The following TOX variants were observed in gnomAD, a reference collection of about 807,000 sequenced individuals.
TOX encodes thymocyte selection associated high mobility group box.
A neutral mutation model predicts 53.7 loss-of-function variants in TOX; 11 were observed. That is an observed-to-expected ratio of 0.20 (90% CI 0.13 to 0.34). The LOEUF (loss-of-function observed/expected upper bound fraction) is 0.34. TOX is among the 10% of genes least tolerant of loss of function. The pLI is 1.00. For synonymous variants in TOX, 225 were observed against 245.3 expected, an observed-to-expected ratio of 0.92 and a Z score of 0.77; for missense variants, 570 against 664.6, an observed-to-expected ratio of 0.86 and a Z score of 1.56.
intron 1 of TOX, among the ~76,000 whole-genome samples, chr8:59,033,564 G>T (rs1814397984): frequency 6.6e-6 from 1 of 152,122 alleles, no homozygotes. Flanking sequence ...ATAATAAAAA[G>T]GTCGATGCCC....
At chr8:58,823,316 C>A (rs535426709) in intron 6 of TOX, among the ~76,000 whole-genome samples, 1 of 152,074 alleles carries the variant, frequency 6.6e-6, no homozygotes, top group Non-Finnish European at 1.5e-5. Flanking sequence ...CTCTACCTCA[C>A]GGGTTCAAGT....
intron 3 of TOX, among the ~76,000 whole-genome samples, chr8:58,872,101 C>T (rs1015795413): frequency 1.3e-5 from 2 of 151,678 alleles, no homozygotes; most frequent in African/African-American, 4.8e-5. Flanking sequence ...GTACAAAATA[C>T]AAAACCAAAC....
intron 1 of TOX, among the ~76,000 whole-genome samples, chr8:59,111,905 C>T (rs1586026700): frequency 6.6e-6 from 1 of 152,202 alleles, no homozygotes; most frequent in African/African-American, 2.4e-5. Context: ...ATTTAAATCT[C>T]CCAAGCAAAA....
chr8:59,012,803 C>T (rs939113412), intron 1 of TOX, among the ~76,000 whole-genome samples: 8 of 151,854 alleles, frequency 5.3e-5, no homozygotes, highest in Non-Finnish European at 1.0e-4. Flanking sequence ...TTCAACTTTA[C>T]CAAGAAAGAA....
At chr8:58,883,048 T>C (rs1207181371) in intron 3 of TOX, among the ~76,000 whole-genome samples, 3 of 152,210 alleles carry the variant, frequency 2.0e-5, no homozygotes, top group African/African-American at 7.2e-5. Flanking sequence ...CTTTCTACTT[T>C]TGTTTTTTTA....
chr8:59,056,051 T>G (rs567098201), intron 1 of TOX, among the ~76,000 whole-genome samples: 2 of 152,298 alleles, frequency 1.3e-5, no homozygotes, highest in South Asian at 4.1e-4. Flanking sequence ...CAAAACATTT[T>G]GCTAAACATC....
At chr8:58,923,796 C>G (rs1165916326) in intron 3 of TOX, among the ~76,000 whole-genome samples, 2 of 152,142 alleles carry the variant, frequency 1.3e-5, no homozygotes, top group African/African-American at 4.8e-5. Flanking sequence ...GGTTCCGGGT[C>G]CCTCAAGACA....
rs1812976861 is a variant in TOX at position 58,970,167 on chromosome 8, C to G, written c.103-10159G>C. On this transcript the variant is annotated intron_variant, in intron 1 of 8. Coordinates refer to ENST00000361421, the MANE Select transcript of TOX (RefSeq NM_014729.3). The stretch of plus-strand genomic sequence containing the variant: ...TCCTCACAACAACCCCACAGTCAGT[C>G]AGTTTCCACGTTGTTTTACCAGTAA... 2.0e-5 allele frequency among the ~76,000 whole-genome samples: 3 copies of G among 152,182 alleles called. No homozygotes were observed. The South Asian group carries it at 6.2e-4, about 32-fold the overall frequency.
intron 3 of TOX, among the ~76,000 whole-genome samples, chr8:58,862,731 C>T (rs1278074351): frequency 6.6e-6 from 1 of 152,030 alleles, no homozygotes; most frequent in Non-Finnish European, 1.5e-5. Context: ...ATGTATCAAG[C>T]CATAGTCTTT....
chr8:59,057,778 A>T (rs10504282), intron 1 of TOX, among the ~76,000 whole-genome samples: 24,702 of 152,102 alleles, frequency 0.16, 2,326 homozygotes, highest in Non-Finnish European at 0.22. Context: ...GTATTCCTTT[A>T]ATAATCAGCT....
At chr8:59,048,719 A>T (rs908260560) in intron 1 of TOX, among the ~76,000 whole-genome samples, 1 of 152,150 alleles carries the variant, frequency 6.6e-6, no homozygotes, top group African/African-American at 2.4e-5. Flanking sequence ...AGATTTGTAT[A>T]TTTATGAGTT....
intron 2 of TOX, among the ~76,000 whole-genome samples, chr8:58,958,838 TC>T (rs1035084025): frequency 7.3e-4 from 111 of 152,312 alleles, no homozygotes; most frequent in African/African-American, 2.7e-3. Flanking sequence ...AATGCAAAGT[TC>T]AGGGAGATGC....
intron 3 of TOX, among the ~76,000 whole-genome samples, chr8:58,855,408 T>G (rs954480981): frequency 1.3e-5 from 2 of 152,206 alleles, no homozygotes; most frequent in African/African-American, 4.8e-5. Flanking sequence ...GACCAATATC[T>G]GTTGATGACA....
intron 1 of TOX, among the ~76,000 whole-genome samples, chr8:59,037,211 G>A (rs1490677014): frequency 7.3e-6 from 1 of 137,818 alleles, no homozygotes; most frequent in East Asian, 2.1e-4. Flanking sequence ...GGCCCTCTCT[G>A]TTTGATTACA....
chr8:58,970,135 C>T (rs960592520), intron 1 of TOX, among the ~76,000 whole-genome samples: 7 of 152,334 alleles, frequency 4.6e-5, no homozygotes, highest in African/African-American at 1.7e-4. Context: ...TGCATTAACT[C>T]ATTTAATCCT....
intron 4 of TOX, among the ~76,000 whole-genome samples, chr8:58,838,699 C>CT (rs35347981): frequency 0.44 from 39,223 of 88,546 alleles, 10,701 homozygotes; most frequent in East Asian, 0.61. Context: ...TTATCCTTGT[C>CT]TTTTTTTTTT....
intron 1 of TOX, among the ~76,000 whole-genome samples, chr8:59,040,462 C>T (rs1481922406): frequency 6.6e-6 from 1 of 152,200 alleles, no homozygotes; most frequent in South Asian, 2.1e-4. Context: ...AACCTCCCAC[C>T]CTGCCAATCA....
intron 4 of TOX, among the ~76,000 whole-genome samples, chr8:58,850,531 A>T (rs934955274): frequency 7.2e-5 from 11 of 152,164 alleles, no homozygotes; most frequent in African/African-American, 2.4e-4. Context: ...GGTAGAGGGA[A>T]TACTGGCTTC....
intron 1 of TOX, among the ~76,000 whole-genome samples, chr8:59,065,084 A>G (rs1027754531): frequency 1.3e-5 from 2 of 152,214 alleles, no homozygotes; most frequent in African/African-American, 4.8e-5. Flanking sequence ...ACACGCCAGC[A>G]TATTAGTGAG....
Sources: allele counts gnomAD v4.1 joint callset (sites outside exome capture counted in the v4.1 genomes callset), GRCh38; gene constraint gnomAD v4.1.1; transcripts MANE v1.5; gene names NCBI Gene and HGNC (gene_info 2026-07-23, HGNC 2026-07-21).